The following HECW2 variants were observed in gnomAD, a reference collection of about 807,000 sequenced individuals.
The protein encoded by HECW2 is HECT, C2 and WW domain containing E3 ubiquitin protein ligase 2, also known as E3 ubiquitin-protein ligase HECW2.
HECW2 carries 61 observed loss-of-function variants against 175.2 expected under a neutral mutation model. That is an observed-to-expected ratio of 0.35 (90% CI 0.28 to 0.43). The LOEUF is 0.43. HECW2 is among the 20% of genes least tolerant of loss of function. HECW2 has a pLI of 1.00. For synonymous variants in HECW2, 671 were observed against 731.0 expected (o/e 0.92, Z 1.32); for missense variants, 1,524 against 2,000.5 (o/e 0.76, Z 4.54).
intron 1 of HECW2, among the ~76,000 whole-genome samples, chr2:196,518,249 C>T (rs1375162919): frequency 6.6e-6 from 1 of 152,110 alleles, no homozygotes; most frequent in Non-Finnish European, 1.5e-5. Context: ...CAAAATCACA[C>T]AAAGACATCT....
chr2:196,307,826 C>T (rs1239023419), intron 11 of HECW2, 109 bp downstream of exon 11: 7 of 1,069,224 alleles, frequency 6.5e-6, no homozygotes, highest in African/African-American at 3.2e-5. Context: ...TACACTTTAA[C>T]GACAGGACAC....
chr2:196,462,047 T>C (rs10177581), intron 1 of HECW2, among the ~76,000 whole-genome samples: 2,116 of 152,154 alleles, frequency 0.014, 41 homozygotes, highest in African/African-American at 0.049. Flanking sequence ...TATATATATG[T>C]GTGTGTGCGT....
intron 2 of HECW2, among the ~76,000 whole-genome samples, chr2:196,419,451 T>C (rs1218358946): frequency 1.3e-5 from 2 of 152,172 alleles, no homozygotes; most frequent in Non-Finnish European, 2.9e-5. Context: ...AAAAAACATC[T>C]CAATTTCACA....
chr2:196,473,481 T>C (rs537450109), intron 1 of HECW2, among the ~76,000 whole-genome samples: 2 of 152,372 alleles, frequency 1.3e-5, no homozygotes, highest in South Asian at 4.1e-4. Flanking sequence ...TGACCATTAA[T>C]GGACTTTCTA....
intron 3 of HECW2, among the ~76,000 whole-genome samples, chr2:196,337,597 T>C (rs1263914030): frequency 2.7e-5 from 4 of 150,932 alleles, no homozygotes; most frequent in Non-Finnish European, 5.9e-5. Flanking sequence ...AAAATATATA[T>C]TTGTATAGAA....
intron 1 of HECW2, among the ~76,000 whole-genome samples, chr2:196,509,046 G>A (rs1687858155): frequency 6.6e-6 from 1 of 152,138 alleles, no homozygotes; most frequent in African/African-American, 2.4e-5. Context: ...CCAGACAAAA[G>A]TAAGTATTAA....
intron 17 of HECW2, chr2:196,259,893 T>A (rs1689220334): frequency 6.6e-6 from 1 of 152,196 alleles, no homozygotes; most frequent in African/African-American, 2.4e-5. Context: ...TCTTGAAGAA[T>A]CAAAAGCTAT....
intron 13 of HECW2, among the ~76,000 whole-genome samples, chr2:196,306,080 A>G (rs1691248448): frequency 6.6e-6 from 1 of 152,158 alleles, no homozygotes; most frequent in Non-Finnish European, 1.5e-5. Flanking sequence ...GTAATTAGGA[A>G]TTAATACCCT....
rs933726215 is a variant in HECW2 at position 196,554,326 on chromosome 2, A to C, written c.-36+39182T>G. On this transcript the variant is annotated intron_variant, in intron 1 of 28. Transcript: ENST00000644978. ...GGGCGACAGAATGAGACTCCGTCTC[A>C]AAAAAAAAAAAAGATTTTTGAATTA... Among the ~76,000 whole-genome samples the C allele has an allele frequency of 2.8e-5, 4 of 144,892 alleles. No individual in the cohort carries two copies. The East Asian group carries it at 8.0e-4, about 29-fold the overall frequency.
chr2:196,520,842 C>A (rs1688339154), intron 1 of HECW2, among the ~76,000 whole-genome samples: 1 of 152,122 alleles, frequency 6.6e-6, no homozygotes, highest in South Asian at 2.1e-4. Context: ...GCTCAGTTCA[C>A]ACAGAAGGAC....
intron 2 of HECW2, among the ~76,000 whole-genome samples, chr2:196,413,450 A>G (rs913689300): frequency 1.3e-5 from 2 of 151,976 alleles, no homozygotes; most frequent in African/African-American, 4.8e-5. Flanking sequence ...GGTTCAAGCA[A>G]TTCTCCCGCC....
chr2:196,528,597 A>C (rs1042776486), intron 1 of HECW2, among the ~76,000 whole-genome samples: 6 of 152,232 alleles, frequency 3.9e-5, no homozygotes, highest in African/African-American at 1.4e-4. Flanking sequence ...CTCCTTCAAA[A>C]GCAAAACAAA....
chr2:196,593,478 C>A (rs1237475607), intron 1 of HECW2, 30 bp downstream of exon 1: 1 of 152,150 alleles, frequency 6.6e-6, no homozygotes, highest in Non-Finnish European at 1.5e-5. Flanking sequence ...TGCCCCGGTC[C>A]GCGGAGAGCG....
chr2:196,328,059 TA>T (rs11417850), intron 5 of HECW2, among the ~76,000 whole-genome samples: 6 of 151,828 alleles, frequency 4.0e-5, no homozygotes, highest in African/African-American at 1.5e-4. Context: ...CTGTACACCA[TA>T]AAAAAATTTT....
intron 1 of HECW2, among the ~76,000 whole-genome samples, chr2:196,456,089 G>T (rs1468724815): frequency 2.0e-5 from 3 of 151,996 alleles, no homozygotes; most frequent in East Asian, 1.9e-4. Flanking sequence ...TAGATATGAA[G>T]GTCTTTAATA....
At chr2:196,354,120 C>T (rs1369489461) in intron 2 of HECW2, among the ~76,000 whole-genome samples, 1 of 152,208 alleles carries the variant, frequency 6.6e-6, no homozygotes, top group Non-Finnish European at 1.5e-5. Context: ...AACATCAGGG[C>T]CAAGCCCCAG....
chr2:196,582,606 T>C (rs2125529999), intron 1 of HECW2, among the ~76,000 whole-genome samples: 1 of 152,310 alleles, frequency 6.6e-6, no homozygotes, highest in Middle Eastern at 3.4e-3. Flanking sequence ...TTTCATTTTC[T>C]TGGTAGAGAT....
intron 2 of HECW2, among the ~76,000 whole-genome samples, 194 bp downstream of exon 2, chr2:196,432,938 C>T (rs1695757407): frequency 6.6e-6 from 1 of 152,166 alleles, no homozygotes; most frequent in Admixed American, 6.5e-5. Context: ...GATGTAACCA[C>T]AAACTTCATA....
At chr2:196,427,652 G>T (rs1695586798) in intron 2 of HECW2, among the ~76,000 whole-genome samples, 1 of 152,070 alleles carries the variant, frequency 6.6e-6, no homozygotes, top group Non-Finnish European at 1.5e-5. Context: ...AAATTTGTGA[G>T]GAATCAATTC....
Sources: allele counts gnomAD v4.1 joint callset (sites outside exome capture counted in the v4.1 genomes callset), GRCh38; gene constraint gnomAD v4.1.1; transcripts MANE v1.5; gene names NCBI Gene and HGNC (gene_info 2026-07-23, HGNC 2026-07-21).